Variants in ZNF430 observed in about 807,000 individuals in gnomAD.
ZNF430 encodes zinc finger protein 430.
In ZNF430, 35 loss-of-function variants were observed where a neutral mutation model predicts 56.7. That is an observed-to-expected ratio of 0.62 (90% CI 0.47 to 0.82). The LOEUF (loss-of-function observed/expected upper bound fraction) is 0.82. ZNF430 is among the 40% of genes least tolerant of loss of function. The pLI is 0.00. For synonymous variants in ZNF430, 212 were observed against 224.3 expected, an observed-to-expected ratio of 0.94 and a Z score of 0.49; for missense variants, 574 against 661.0, an observed-to-expected ratio of 0.87 and a Z score of 1.44.
chr19:21,032,218 C>T lies in ZNF430; in HGVS notation c.97-1238C>T, dbSNP rs961106993. ...AATACCATTTATTACCCAGAAAGTT[C>T]TGAAAAAAATTATTAGGAGATACCT... On this transcript the variant is annotated intron_variant, in intron 2 of 4. Transcript: ENST00000261560. 5.9e-5 allele frequency among the ~76,000 whole-genome samples: 9 copies of T among 152,154 alleles called. 1 individual carries two copies. Among genetic ancestry groups the T allele is most frequent in the Non-Finnish European group, 1.3e-4 (9 of 68,006 alleles).
chr19:21,041,977 G>A (rs1351295380), intron 4 of ZNF430, among the ~76,000 whole-genome samples: 1 of 152,170 alleles, frequency 6.6e-6, no homozygotes, highest in Non-Finnish European at 1.5e-5. Context: ...CTCCCAAAGT[G>A]CTGAAATTGC....
At chr19:21,034,260 T>C in intron 4 of ZNF430, 76 bp downstream of exon 4, 1 of 1,121,686 alleles carries the variant, frequency 8.9e-7, no homozygotes, top group South Asian at 1.8e-5. Flanking sequence ...TAAAATGTTA[T>C]TTGAGAATCT....
At chr19:21,033,717 T>G in intron 3 of ZNF430, 135 bp downstream of exon 3, 1 of 1,111,960 alleles carries the variant, frequency 9.0e-7, no homozygotes, top group East Asian at 2.7e-5. Context: ...ACCTTGAGGA[T>G]TTTTCCATAT....
intron 2 of ZNF430, among the ~76,000 whole-genome samples, chr19:21,026,486 C>T (rs1967799238): frequency 6.6e-6 from 1 of 152,002 alleles, no homozygotes; most frequent in South Asian, 2.1e-4. Context: ...CGTGCCCGGC[C>T]AATCTCTGAC....
chr19:21,056,520 T>G (rs1215660994), intron 4 of ZNF430, 111 bp from the exon 5 acceptor site: 2 of 798,736 alleles, frequency 2.5e-6, no homozygotes. Flanking sequence ...CTTTATTATT[T>G]TGCTATGCCA....
intron 2 of ZNF430, among the ~76,000 whole-genome samples, chr19:21,026,822 C>CTTTTGTTTTTTTTTTTTTTTTT (rs1278318937): frequency 1.7e-5 from 1 of 60,106 alleles, no homozygotes; most frequent in Admixed American, 2.2e-4. Flanking sequence ...TTTTTCTTTT[C>CTTTTGTTTTTTTTTTTTTTTTT]TTTTCTTTTT....
At position 21,022,840 on chromosome 19, in the gene ZNF430, G is replaced by C. The variant is rs143182179; in HGVS notation, c.55G>C (p.Gly19Arg). 6.2e-7 allele frequency: 1 copy of C among 1,613,952 alleles called. No homozygotes were observed. The highest frequency in any genetic ancestry group is 2.2e-5 in the East Asian group (1 of 44,870). ...TCTCAAGGAAGCAAGTGGATGCCCT[G>C]GGGCTGACAGGAATCTTCTGGTGTA... ...YPLKEASGCP[G>R]ADRNLLVYSF... Residue 19 changes from glycine (G) to arginine (R), a missense_variant, in exon 2 of 5, where the codon GGG becomes CGG. This residue lies in a region of ZNF430 where 346 missense variants were observed against 399.1 expected (regional missense o/e 0.87). Coordinates refer to ENST00000261560, the MANE Select transcript of ZNF430 (RefSeq NM_025189.4).
chr19:21,028,736 A>T (rs939264693), intron 2 of ZNF430, among the ~76,000 whole-genome samples: 2 of 151,942 alleles, frequency 1.3e-5, no homozygotes, highest in African/African-American at 4.8e-5. Context: ...CCCAGGCTGG[A>T]GTGCAGTGGC....
Position 21,057,819 on chromosome 19 carries a change from A to C in ZNF430, c.1511A>C (p.Lys504Thr), listed in dbSNP as rs561631992. ...FNQFSNLTKH[K>T]ITHIGDTSYK... ...CAATTCTCAAACCTTACTAAACATAAGATAACTCATATTGGAGATACATCT... is the reference window on the plus strand; with the variant it reads ...CAATTCTCAAACCTTACTAAACATACGATAACTCATATTGGAGATACATCT... Residue 504 changes from lysine to threonine, a missense_variant, in exon 5 of 5, where the codon AAG (lysine) becomes ACG (threonine). Coordinates refer to ENST00000261560, the MANE Select transcript of ZNF430 (RefSeq NM_025189.4). The C allele has an allele frequency of 2.5e-6, 4 of 1,614,066 alleles. No individual in the cohort carries two copies. Among genetic ancestry groups the C allele is most frequent in the Non-Finnish European group, 3.4e-6 (4 of 1,179,998 alleles).
Position 21,058,150 on chromosome 19 carries a change from A to G in ZNF430, c.*129A>G, listed in dbSNP as rs1387010577. 7 of 908,010 alleles carry G rather than the reference A, an allele frequency of 7.7e-6. No homozygotes were observed. Among genetic ancestry groups the G allele is most frequent in the African/African-American group, 3.4e-5 (2 of 59,496 alleles). 56.2% of individuals were successfully genotyped at this position (908,010 alleles called of 1,614,324 possible). On this transcript the variant is annotated 3_prime_UTR_variant, in exon 5 of 5. Transcript: ENST00000261560. ...AACAAGTCCTCAATTCTTACCAGACATAAGATAATTCTGGCTGGGTGCGGT... is the reference window on the plus strand; with the variant it reads ...AACAAGTCCTCAATTCTTACCAGACGTAAGATAATTCTGGCTGGGTGCGGT...
intron 4 of ZNF430, among the ~76,000 whole-genome samples, chr19:21,042,969 T>C (rs1297803235): frequency 6.6e-6 from 1 of 152,170 alleles, no homozygotes; most frequent in East Asian, 1.9e-4. Context: ...TTAATGGGGT[T>C]GTTTTATTCT....
intron 4 of ZNF430, among the ~76,000 whole-genome samples, chr19:21,037,124 T>A (rs570701439): frequency 2.0e-5 from 3 of 150,808 alleles, no homozygotes; most frequent in Admixed American, 1.3e-4. Flanking sequence ...TTTTTTTTTT[T>A]TTTTTATTTT....
intron 2 of ZNF430, among the ~76,000 whole-genome samples, chr19:21,027,261 A>T (rs901233463): frequency 6.6e-6 from 1 of 152,126 alleles, no homozygotes; most frequent in Non-Finnish European, 1.5e-5. Flanking sequence ...GCTTGTGTCC[A>T]TTCAGTGTGT....
chr19:21,053,197 G>C (rs562554660), intron 4 of ZNF430, among the ~76,000 whole-genome samples: 26 of 152,078 alleles, frequency 1.7e-4, no homozygotes, highest in Admixed American at 5.9e-4. Context: ...GGTGGAGGGG[G>C]TGTGGTTGCG....
At chr19:21,031,128 T>C (rs1967894608) in intron 2 of ZNF430, among the ~76,000 whole-genome samples, 1 of 152,100 alleles carries the variant, frequency 6.6e-6, no homozygotes, top group African/African-American at 2.4e-5. Flanking sequence ...AGGTCATCCA[T>C]GTGCCTCGGC....
intron 4 of ZNF430, among the ~76,000 whole-genome samples, chr19:21,056,137 G>A (rs1968371928): frequency 6.6e-6 from 1 of 152,134 alleles, no homozygotes; most frequent in African/African-American, 2.4e-5. Context: ...ATTTTCCTCA[G>A]ATGTATTTTT....
At chr19:21,026,638 A>G (rs1967801607) in intron 2 of ZNF430, among the ~76,000 whole-genome samples, 1 of 151,952 alleles carries the variant, frequency 6.6e-6, no homozygotes, top group East Asian at 1.9e-4. Flanking sequence ...GGATGTTTTG[A>G]TGTACAGAGA....
intron 3 of ZNF430, 121 bp from the exon 4 acceptor site, chr19:21,033,965 A>G: frequency 1.3e-5 from 9 of 704,934 alleles, no homozygotes; most frequent in East Asian, 3.1e-5. Context: ...TTTCTGTTAT[A>G]AATTAGTATT....
At chr19:21,050,647 A>G (rs924853828) in intron 4 of ZNF430, among the ~76,000 whole-genome samples, 3 of 152,220 alleles carry the variant, frequency 2.0e-5, no homozygotes, top group African/African-American at 7.2e-5. Context: ...TATACAAACT[A>G]TCATAACTTT....
Sources: gnomAD v4.1 joint callset for allele counts (sites outside exome capture counted in the v4.1 genomes callset) on GRCh38, gnomAD v4.1.1 for gene constraint, gnomAD v4.1.1 regional missense constraint, MANE v1.5 for transcripts, NCBI Gene and HGNC (gene_info 2026-07-23, HGNC 2026-07-21) for gene names.